RAET1E: variants seen among roughly 807,000 people sequenced by gnomAD.
RAET1E encodes the protein NKG2D ligand 4.
In RAET1E, 27 loss-of-function variants were observed where a neutral mutation model predicts 21.1. The observed-to-expected ratio is 1.28, with a 90% confidence interval of 0.94 to 1.76. The LOEUF (loss-of-function observed/expected upper bound fraction) is 1.76, where lower values mean the gene tolerates loss of function less well. RAET1E is among the 40% of genes most tolerant of loss of function. The pLI is 0.00. For synonymous variants in RAET1E, 113 were observed against 115.0 expected (o/e 0.98, Z 0.11); for missense variants, 310 against 311.3 (o/e 1.00, Z 0.03).
In RAET1E at chr6:149,886,390, A is replaced by T. The variant is rs1208887919; in HGVS notation, c.*2108T>A. On this transcript the variant is annotated 3_prime_UTR_variant, in exon 6 of 6. Coordinates refer to ENST00000357183, the MANE Select transcript of RAET1E (RefSeq NM_001394057.1). ...ATTTTAACCCTTTACATATGTTGAGATTTATTTATTTATTTATTTATTGAG... is the reference window on the plus strand; with the variant it reads ...ATTTTAACCCTTTACATATGTTGAGTTTTATTTATTTATTTATTTATTGAG... Among the ~76,000 whole-genome samples the T allele has an allele frequency of 6.6e-6, 1 of 151,462 alleles. No individual in the cohort carries two copies. The highest frequency in any genetic ancestry group is 1.5e-5 in the Non-Finnish European group (1 of 67,828).
In RAET1E at chr6:149,888,785, A is replaced by G. The variant is rs545342242; in HGVS notation, c.623-118T>C. The G allele has an allele frequency of 2.9e-4, 399 of 1,393,746 alleles. 3 individuals carry two copies. In the African/African-American group the frequency reaches 5.2e-3, roughly 18 times the overall value. 86.3% of individuals were successfully genotyped at this position (1,393,746 alleles called of 1,614,324 possible). A position where few individuals can be genotyped will look rare whatever the true frequency, so the allele number is the denominator to read the frequency against. Reference sequence around the variant, plus strand: ...CCAGGAACACATGGTGCCCCACATAATCACTGGCTCATGTGACAGCCACTC... The same window carrying G: ...CCAGGAACACATGGTGCCCCACATAGTCACTGGCTCATGTGACAGCCACTC... On this transcript the variant is annotated intron_variant, in intron 5 of 5. Transcript: ENST00000357183.
At chr6:149,889,245 A>C in intron 5 of RAET1E, 103 bp downstream of exon 5, 1 of 1,509,072 alleles carries the variant, frequency 6.6e-7, no homozygotes, top group Non-Finnish European at 8.8e-7. Context: ...GCCCACGGAG[A>C]AGTCAATCAA....
At position 149,886,917 on chromosome 6, in the gene RAET1E, C is replaced by T. The variant is rs1002182387; in HGVS notation, c.*1581G>A. 2.6e-5 allele frequency among the ~76,000 whole-genome samples: 4 copies of T among 152,216 alleles called. No individual in the cohort carries two copies. Among genetic ancestry groups the T allele is most frequent in the Admixed American group, 6.5e-5 (1 of 15,282 alleles). On this transcript the variant is annotated 3_prime_UTR_variant, in exon 6 of 6. Transcript: ENST00000357183. The stretch of plus-strand genomic sequence containing the variant: ...TTTTTCCCTGGGTGCTGCTCTTCCC[C>T]GTGACAGAGAAATCCATGCGACACA...
rs1424805962 is a variant in RAET1E, at chr6:149,884,343, G to T, written c.*4155C>A. The stretch of plus-strand genomic sequence containing the variant: ...TTTTGAGACGGAGTCTTGCTCTGTT[G>T]CCAAGACTGGAATGCAGAGGCGCGA... On this transcript the variant is annotated 3_prime_UTR_variant, in exon 6 of 6. Coordinates refer to ENST00000357183, the MANE Select transcript of RAET1E (RefSeq NM_001394057.1). 1 of 755,978 alleles carries T rather than the reference G, an allele frequency of 1.3e-6. No homozygotes were observed. The highest frequency in any genetic ancestry group is 2.2e-6 in the Non-Finnish European group (1 of 460,400). The allele number at this position is 755,978 out of a possible 1,614,324, so 46.8% of individuals were successfully genotyped here.
rs1385236232 is a variant in RAET1E at position 149,884,293 on chromosome 6, T to C, written c.*4205A>G. The C allele has an allele frequency of 1.7e-6, 1 of 571,584 alleles. No homozygotes were observed. The highest frequency in any genetic ancestry group is 2.2e-5 in the South Asian group (1 of 45,278). 35.4% of individuals were successfully genotyped at this position (571,584 alleles called of 1,614,324 possible). A position where few individuals can be genotyped will look rare whatever the true frequency, so the allele number is the denominator to read the frequency against. On this transcript the variant is annotated 3_prime_UTR_variant, in exon 6 of 6. Coordinates refer to ENST00000357183, the MANE Select transcript of RAET1E (RefSeq NM_001394057.1). The stretch of plus-strand genomic sequence containing the variant: ...GTGCCCAGCCCTATCTTTTAAAAAA[T>C]ATGTACTGAAAAAAAATTTTTTTTT...
chr6:149,894,394 T>G (rs1054907074), intron 2 of RAET1E, among the ~76,000 whole-genome samples: 1 of 152,226 alleles, frequency 6.6e-6, no homozygotes, highest in East Asian at 1.9e-4. Flanking sequence ...CTATTCTCAC[T>G]GTCACTTTCA....
Position 149,891,659 on chromosome 6 carries a change from G to A in RAET1E, c.-133-625C>T, listed in dbSNP as rs556566767. On this transcript the variant is annotated intron_variant, in intron 2 of 5. Transcript: ENST00000357183. ...CCCAGCACTTTGGGAGGATGAGGCA[G>A]GAGGATCACTTGAGGCCGGGAGTTC... is the stretch of plus-strand genomic sequence containing the variant. Among the ~76,000 whole-genome samples, 8 of 152,294 alleles carry A rather than the reference G, an allele frequency of 5.3e-5. 1 individual carries two copies. The East Asian group carries it at 1.5e-3, about 29-fold the overall frequency.
In RAET1E at chr6:149,883,397, A is replaced by C. The variant is rs1777480623; in HGVS notation, c.*5101T>G. The C allele has an allele frequency of 6.8e-6, 1 of 147,790 alleles. No individual in the cohort carries two copies. Among genetic ancestry groups the C allele is most frequent in the South Asian group, 2.1e-4 (1 of 4,710 alleles). 9.2% of individuals were successfully genotyped at this position (147,790 alleles called of 1,614,324 possible). A position where few individuals can be genotyped will look rare whatever the true frequency, so the allele number is the denominator to read the frequency against. ...TTTTGCATTCAGTGTTAAAGTGTTT[A>C]TCAGAAAGAACTACTTGTGTCTGGG... On this transcript the variant is annotated 3_prime_UTR_variant, in exon 6 of 6. Transcript: ENST00000357183.
intron 5 of RAET1E, 84 bp from the exon 6 acceptor site, chr6:149,888,751 C>T: frequency 6.7e-7 from 1 of 1,489,320 alleles, no homozygotes; most frequent in Non-Finnish European, 8.9e-7. Flanking sequence ...TCCTTAGCCC[C>T]TGCTTTCCCC....
In RAET1E at chr6:149,888,287, C is replaced by T. The variant is rs1055201341; in HGVS notation, c.*211G>A. On this transcript the variant is annotated 3_prime_UTR_variant, in exon 6 of 6. Transcript: ENST00000357183. ...GCCGGATGGCAAGGAGACAACACCC[C>T]AGGCAGGCGTTCCAGATCTTTGACC... 6.9e-6 allele frequency: 5 copies of T among 725,004 alleles called. No homozygotes were observed. The highest frequency in any genetic ancestry group is 7.3e-6 in the Non-Finnish European group (3 of 409,430). 44.9% of individuals were successfully genotyped at this position (725,004 alleles called of 1,614,324 possible).
Position 149,889,452 on chromosome 6 carries a change from T to G in RAET1E, c.518A>C (p.Lys173Thr), listed in dbSNP as rs150468131. 1.9e-6 allele frequency: 3 copies of G among 1,614,104 alleles called. No homozygotes were observed. The highest frequency in any genetic ancestry group is 1.1e-5 in the South Asian group (1 of 91,090). Residue 173 changes from lysine (K) to threonine (T), a missense_variant, in exon 5 of 6, where the codon AAA (lysine) becomes ACA (threonine). Lys to Thr is a moderately conservative substitution (Grantham distance 78). Transcript: ENST00000357183. ...GAAATACTTTTCCAGCCCTCTGTCTTTCTTCCATGTCTCCTTGATCTTACT... is the reference window on the plus strand; with the variant it reads ...GAAATACTTTTCCAGCCCTCTGTCTGTCTTCCATGTCTCCTTGATCTTACT... ...EASKIKETWK[K>T]DRGLEKYFRK...
rs1777702587 is a variant in RAET1E at position 149,888,362 on chromosome 6, C to T, written c.*136G>A. The T allele has an allele frequency of 9.3e-7, 1 of 1,072,562 alleles. No individual in the cohort carries two copies. The highest frequency in any genetic ancestry group is 1.4e-6 in the Non-Finnish European group (1 of 727,314). 66.4% of individuals were successfully genotyped at this position (1,072,562 alleles called of 1,614,324 possible). On this transcript the variant is annotated 3_prime_UTR_variant, in exon 6 of 6. Transcript: ENST00000357183. ...TTGCTTCATCCCTCCTCTCACTGCA[C>T]ATTGTGCTGCCAGCCCTGCTGTGTA...
chr6:149,888,678 A>AAAAAG lies in RAET1E; in HGVS notation c.623-12_623-11insCTTTT. ...CATTTACTGGTGACACTAAAAAAAA[A>AAAAAG]AAAAAAAAGAAAAAAAAGCACAAGC... On this transcript the variant is annotated splice_polypyrimidine_tract_variant and intron_variant, in intron 5 of 5. Coordinates refer to ENST00000357183, the MANE Select transcript of RAET1E (RefSeq NM_001394057.1). The AAAAAG allele has an allele frequency of 6.4e-7, 1 of 1,555,594 alleles. No individual in the cohort carries two copies. Among genetic ancestry groups the AAAAAG allele is most frequent in the Non-Finnish European group, 8.6e-7 (1 of 1,163,482 alleles).
At chr6:149,896,140 C>T (rs1272105629) in intron 1 of RAET1E, 108 bp from the exon 2 acceptor site, 1 of 152,254 alleles carries the variant, frequency 6.6e-6, no homozygotes, top group Non-Finnish European at 1.5e-5. Flanking sequence ...TAGGTTCCCT[C>T]TGTGTGCCGG....
intron 5 of RAET1E, among the ~76,000 whole-genome samples, 153 bp from the exon 6 acceptor site, chr6:149,888,820 C>T (rs1173522186): frequency 6.6e-6 from 1 of 152,160 alleles, no homozygotes; most frequent in Non-Finnish European, 1.5e-5. Context: ...CTACCAGGCC[C>T]TGGGCCATGA....
At position 149,885,986 on chromosome 6, in the gene RAET1E, C is replaced by A. The variant is rs1244588058; in HGVS notation, c.*2512G>T. Among the ~76,000 whole-genome samples the A allele has an allele frequency of 6.6e-6, 1 of 152,178 alleles. No individual in the cohort carries two copies. The highest frequency in any genetic ancestry group is 2.4e-5 in the African/African-American group (1 of 41,432). On this transcript the variant is annotated 3_prime_UTR_variant, in exon 6 of 6. Transcript: ENST00000357183. ...TAATTCTATCCAGGAAGAATGGTGACTTCTTAGAGGAGGTGACAGTTAAAC... is the reference window on the plus strand; with the variant it reads ...TAATTCTATCCAGGAAGAATGGTGAATTCTTAGAGGAGGTGACAGTTAAAC...
At chr6:149,895,090 T>C (rs768666096) in intron 2 of RAET1E, among the ~76,000 whole-genome samples, 26 of 152,254 alleles carry the variant, frequency 1.7e-4, no homozygotes, top group Non-Finnish European at 3.7e-4. Flanking sequence ...CAGCGGAGGC[T>C]GCAGAGCAGC....
chr6:149,891,369 C>T (rs570386737), intron 2 of RAET1E, among the ~76,000 whole-genome samples: 3 of 152,282 alleles, frequency 2.0e-5, no homozygotes, highest in South Asian at 4.1e-4. Flanking sequence ...CTGTCCCTAA[C>T]CCGTTCAAAC....
At chr6:149,894,088 G>A (rs957664656) in intron 2 of RAET1E, among the ~76,000 whole-genome samples, 1 of 152,208 alleles carries the variant, frequency 6.6e-6, no homozygotes, top group Non-Finnish European at 1.5e-5. Context: ...TTGATGTAAT[G>A]CTGGGTTCGG....
Sources: allele counts gnomAD v4.1 joint callset (sites outside exome capture counted in the v4.1 genomes callset), GRCh38; gene constraint gnomAD v4.1.1; transcripts MANE v1.5; gene names NCBI Gene and HGNC (gene_info 2026-07-23, HGNC 2026-07-21).